Variants in PTPRK observed in about 807,000 individuals in gnomAD.
The protein encoded by PTPRK is receptor-type tyrosine-protein phosphatase kappa.
A neutral mutation model predicts 178.0 loss-of-function variants in PTPRK; 75 were observed. The observed-to-expected ratio is 0.42, with a 90% confidence interval of 0.35 to 0.51. The LOEUF is 0.51. Among genes scored for constraint, PTPRK ranks in the 20% least tolerant of loss-of-function variants. PTPRK has a pLI of 0.02. For synonymous variants in PTPRK, 637 were observed against 620.6 expected (o/e 1.03, Z -0.39); for missense variants, 1,441 against 1,797.8 (o/e 0.80, Z 3.59).
In PTPRK at chr6:128,295,220, C is replaced by A. The variant is rs144636030; in HGVS notation, c.495+26819G>T. Among the ~76,000 whole-genome samples, 108 of 152,160 alleles carry A rather than the reference C, an allele frequency of 7.1e-4. 1 individual carries two copies. The highest frequency in any genetic ancestry group is 2.5e-3 in the African/African-American group (105 of 41,542). On this transcript the variant is annotated intron_variant, in intron 3 of 29. Transcript: ENST00000368226. The stretch of plus-strand genomic sequence containing the variant: ...TTTTAACAGGTCATAAAGTATGATT[C>A]TTCTCTTTTCTACCCTTCCAACCAC...
intron 3 of PTPRK, among the ~76,000 whole-genome samples, chr6:128,245,498 G>A (rs998178802): frequency 2.0e-5 from 3 of 152,184 alleles, no homozygotes; most frequent in African/African-American, 7.2e-5. Context: ...CGCTGGAATG[G>A]ATGGCTCATC....
At chr6:128,124,676 G>A (rs1793047363) in intron 7 of PTPRK, among the ~76,000 whole-genome samples, 1 of 151,900 alleles carries the variant, frequency 6.6e-6, no homozygotes, top group Non-Finnish European at 1.5e-5. Flanking sequence ...CAACTTAAAA[G>A]TTGTTTGTGG....
chr6:128,463,195 T>C (rs1296401765), intron 1 of PTPRK, among the ~76,000 whole-genome samples: 2 of 152,262 alleles, frequency 1.3e-5, no homozygotes, highest in South Asian at 2.1e-4. Flanking sequence ...CAAATGCAGA[T>C]AAAGTGTGGA....
At chr6:128,399,478 T>G (rs1840749134) in intron 1 of PTPRK, among the ~76,000 whole-genome samples, 1 of 152,236 alleles carries the variant, frequency 6.6e-6, no homozygotes, top group Admixed American at 6.5e-5. Flanking sequence ...AATAGACCTT[T>G]TATAAATGCT....
At position 128,164,821 on chromosome 6, in the gene PTPRK, A is replaced by G. The variant is rs149408608; in HGVS notation, c.1162+19611T>C. Among the ~76,000 whole-genome samples the G allele has an allele frequency of 1.6e-3, 236 of 151,372 alleles. 2 individuals carry two copies. Among genetic ancestry groups the G allele is most frequent in the African/African-American group, 5.5e-3 (227 of 41,486 alleles). ...TGGCAGAAAATATACATTATATGGA[A>G]TATAATATACATTAGAATGTATGTA... On this transcript the variant is annotated intron_variant, in intron 7 of 29. Transcript: ENST00000368226.
At chr6:128,031,769 A>G (rs1317006019) in intron 13 of PTPRK, among the ~76,000 whole-genome samples, 1 of 152,060 alleles carries the variant, frequency 6.6e-6, no homozygotes, top group Non-Finnish European at 1.5e-5. Flanking sequence ...ATCTTGAACT[A>G]ATTTAGAACA....
At chr6:128,050,014 T>C (rs2114869071) in intron 13 of PTPRK, among the ~76,000 whole-genome samples, 1 of 152,204 alleles carries the variant, frequency 6.6e-6, no homozygotes, top group South Asian at 2.1e-4. Context: ...CGCATGCCTG[T>C]AATCCCAGCT....
At chr6:128,288,555 G>C (rs1187249618) in intron 3 of PTPRK, among the ~76,000 whole-genome samples, 1 of 152,074 alleles carries the variant, frequency 6.6e-6, no homozygotes, top group East Asian at 1.9e-4. Flanking sequence ...GAGGATAAAA[G>C]GGCATGGGAT....
chr6:128,243,725 T>C (rs1031468510), intron 3 of PTPRK, among the ~76,000 whole-genome samples: 3 of 152,080 alleles, frequency 2.0e-5, no homozygotes, highest in Non-Finnish European at 4.4e-5. Flanking sequence ...ATGTGTGCTG[T>C]GACTTTCAAG....
intron 11 of PTPRK, among the ~76,000 whole-genome samples, chr6:128,074,946 C>T (rs1010348140): frequency 6.6e-6 from 1 of 151,996 alleles, no homozygotes; most frequent in East Asian, 1.9e-4. Context: ...GAGAGCATTA[C>T]TTTTTTGATT....
chr6:128,017,696 ACT>A (rs886830908), intron 13 of PTPRK, among the ~76,000 whole-genome samples: 4 of 137,438 alleles, frequency 2.9e-5, no homozygotes, highest in Non-Finnish European at 6.3e-5. Flanking sequence ...GCTCGCTCTC[ACT>A]CTCTCTCTCT....
Position 127,982,990 on chromosome 6 carries a change from G to A in PTPRK, c.3388-10C>T. ...TAAAAATGTACTGTTCCTACCAAAA[G>A]AATGAAAAAGAAAATTTTGTACTAG... is the stretch of plus-strand genomic sequence containing the variant. On this transcript the variant is annotated splice_polypyrimidine_tract_variant and intron_variant, in intron 23 of 29. Coordinates refer to ENST00000368226, the MANE Select transcript of PTPRK (RefSeq NM_002844.4). 1 of 1,594,070 alleles carries A rather than the reference G, an allele frequency of 6.3e-7. No individual in the cohort carries two copies. The highest frequency in any genetic ancestry group is 1.4e-5 in the African/African-American group (1 of 73,600).
chr6:128,166,436 A>C (rs1383490310), intron 7 of PTPRK, among the ~76,000 whole-genome samples: 1 of 151,746 alleles, frequency 6.6e-6, no homozygotes, highest in Non-Finnish European at 1.5e-5. Context: ...CTGTTTCTGC[A>C]AATGTAAAAT....
chr6:128,335,618 A>G (rs1052788478), intron 2 of PTPRK, among the ~76,000 whole-genome samples: 7 of 152,172 alleles, frequency 4.6e-5, no homozygotes, highest in South Asian at 4.1e-4. Flanking sequence ...TTTATTTTTC[A>G]TCTCACCAGT....
intron 1 of PTPRK, among the ~76,000 whole-genome samples, chr6:128,442,164 T>C (rs1846364754): frequency 6.6e-6 from 1 of 152,214 alleles, no homozygotes; most frequent in Non-Finnish European, 1.5e-5. Flanking sequence ...AAAGTTTAAA[T>C]ATGCAAAAGA....
chr6:128,517,386 T>C lies in PTPRK; in HGVS notation c.100+2873A>G, dbSNP rs556012301. 2.0e-4 allele frequency among the ~76,000 whole-genome samples: 30 copies of C among 152,298 alleles called. No individual in the cohort carries two copies. The South Asian group carries it at 6.0e-3, about 31-fold the overall frequency. On this transcript the variant is annotated intron_variant, in intron 1 of 29. Transcript: ENST00000368226. ...GTTTCGTCAGTCATCTAAGTCCTTCTACAGAAAACTTTCTTACATTATATC... is the reference window on the plus strand; with the variant it reads ...GTTTCGTCAGTCATCTAAGTCCTTCCACAGAAAACTTTCTTACATTATATC...
chr6:128,128,789 C>G (rs191924083), intron 7 of PTPRK, among the ~76,000 whole-genome samples: 1 of 152,120 alleles, frequency 6.6e-6, no homozygotes, highest in African/African-American at 2.4e-5. Context: ...TCTCAAGAGG[C>G]AGTCATTCTT....
At chr6:127,995,611 C>T in intron 17 of PTPRK, 73 bp from the exon 18 acceptor site, 1 of 905,972 alleles carries the variant, frequency 1.1e-6, no homozygotes, top group East Asian at 2.6e-5. Flanking sequence ...TTGGTAGAGA[C>T]TAAAGAATTC....
At position 128,196,859 on chromosome 6, in the gene PTPRK, C is replaced by T. The variant is rs575980375; in HGVS notation, c.869-12134G>A. On this transcript the variant is annotated intron_variant, in intron 6 of 29. Coordinates refer to ENST00000368226, the MANE Select transcript of PTPRK (RefSeq NM_002844.4). ...ATTTCAAATTCCCTATCCTTTTCCA[C>T]GCTCAGCCAGGTCAGCTGAAAATTT... is the stretch of plus-strand genomic sequence containing the variant. 1.8e-4 allele frequency among the ~76,000 whole-genome samples: 27 copies of T among 152,222 alleles called. 1 individual carries two copies. In the South Asian group the frequency reaches 3.9e-3, roughly 22 times the overall value.
Sources: gnomAD v4.1 joint callset for allele counts (sites outside exome capture counted in the v4.1 genomes callset) on GRCh38, gnomAD v4.1.1 for gene constraint, MANE v1.5 for transcripts, NCBI Gene and HGNC (gene_info 2026-07-23, HGNC 2026-07-21) for gene names.